MSN: variants seen among roughly 807,000 people sequenced by gnomAD.
MSN encodes the protein moesin.
MSN carries 2 observed loss-of-function variants against 48.0 expected under a neutral mutation model. That is an observed-to-expected ratio of 0.04 (90% CI 0.02 to 0.13). The LOEUF (loss-of-function observed/expected upper bound fraction) is 0.13. MSN is among the 10% of genes least tolerant of loss of function. The pLI is 1.00. For synonymous variants in MSN, 146 were observed against 166.9 expected (o/e 0.87, Z 0.97); for missense variants, 267 against 470.1 (o/e 0.57, Z 3.99).
chrX:65,655,797 G>A (rs1481520866), intron 1 of MSN, among the ~76,000 whole-genome samples: 1 of 112,204 alleles, frequency 8.9e-6, no homozygotes, highest in Non-Finnish European at 1.9e-5. Flanking sequence ...ACAGAGTCTT[G>A]TTCTTGTCGC....
intron 1 of MSN, among the ~76,000 whole-genome samples, chrX:65,710,897 T>A (rs1290094745): frequency 2.0e-5 from 2 of 99,948 alleles, no homozygotes; most frequent in Non-Finnish European, 4.0e-5. Context: ...TATTATTATT[T>A]TTTTGAGATG....
At chrX:65,720,711 T>C (rs2071508405) in intron 2 of MSN, among the ~76,000 whole-genome samples, 1 of 111,824 alleles carries the variant, frequency 8.9e-6, no homozygotes, top group African/African-American at 3.3e-5. Flanking sequence ...GCAAAAGCTT[T>C]ATGGCCATCC....
intron 1 of MSN, among the ~76,000 whole-genome samples, chrX:65,606,230 A>C (rs1429807679): frequency 9.2e-6 from 1 of 109,059 alleles, no homozygotes; most frequent in Non-Finnish European, 1.9e-5. Context: ...CCTGGGTTCA[A>C]GCAATTCTCT....
At chrX:65,649,072 C>G (rs993185782) in intron 1 of MSN, among the ~76,000 whole-genome samples, 18 of 108,321 alleles carry the variant, frequency 1.7e-4, no homozygotes, top group Non-Finnish European at 3.1e-4. Flanking sequence ...ACTCAACTTA[C>G]TACTTCTTTT....
intron 1 of MSN, among the ~76,000 whole-genome samples, chrX:65,642,150 A>AG (rs1345999568): frequency 2.9e-4 from 32 of 108,782 alleles, no homozygotes; most frequent in African/African-American, 7.3e-4. Flanking sequence ...AAAAAAAAAA[A>AG]AAAGAAAGAA....
intron 1 of MSN, among the ~76,000 whole-genome samples, chrX:65,686,998 C>G (rs2071120965): frequency 1.8e-5 from 2 of 111,780 alleles, no homozygotes; most frequent in African/African-American, 6.5e-5. Context: ...ATTTATAGAC[C>G]ATTTAGGACC....
At chrX:65,650,419 T>A (rs1474484099) in intron 1 of MSN, among the ~76,000 whole-genome samples, 3 of 112,196 alleles carry the variant, frequency 2.7e-5, no homozygotes, top group Non-Finnish European at 1.9e-5. Context: ...AAATAAAAGA[T>A]GTATGTGTTC....
At chrX:65,631,218 C>A (rs1050620563) in intron 1 of MSN, among the ~76,000 whole-genome samples, 1 of 109,721 alleles carries the variant, frequency 9.1e-6, no homozygotes, top group Admixed American at 9.8e-5. Context: ...GCCTCAGCTT[C>A]GAGTAGCTGG....
At chrX:65,688,495 A>T (rs1389391629) in intron 1 of MSN, among the ~76,000 whole-genome samples, 1 of 111,751 alleles carries the variant, frequency 8.9e-6, no homozygotes, top group Non-Finnish European at 1.9e-5. Context: ...GAGACAGAAG[A>T]CTTTGGTTTT....
intron 1 of MSN, among the ~76,000 whole-genome samples, chrX:65,690,074 A>G (rs180937610): frequency 9.0e-6 from 1 of 111,303 alleles, no homozygotes; most frequent in East Asian, 2.8e-4. Flanking sequence ...TGTGTAATTG[A>G]TCTTGACCAG....
At chrX:65,730,526 T>G (rs1324941490) in intron 4 of MSN, among the ~76,000 whole-genome samples, 1 of 110,549 alleles carries the variant, frequency 9.0e-6, no homozygotes, top group African/African-American at 3.3e-5. Flanking sequence ...GCTTGTACCC[T>G]GGGGACTCTA....
At chrX:65,656,550 CCTT>C (rs1344586524) in intron 1 of MSN, among the ~76,000 whole-genome samples, 1 of 111,366 alleles carries the variant, frequency 9.0e-6, no homozygotes, top group Non-Finnish European at 1.9e-5. Context: ...GTTCTGGACT[CCTT>C]CTGCATGGAA....
intron 2 of MSN, among the ~76,000 whole-genome samples, chrX:65,722,781 G>A (rs1287386737): frequency 9.1e-6 from 1 of 110,331 alleles, no homozygotes; most frequent in Admixed American, 9.7e-5. Flanking sequence ...TAAATGCATG[G>A]GGGATTCAAG....
intron 1 of MSN, among the ~76,000 whole-genome samples, chrX:65,629,719 T>C (rs1432860118): frequency 1.8e-5 from 2 of 111,514 alleles, no homozygotes; most frequent in African/African-American, 6.5e-5. Context: ...CTTGTGAGAC[T>C]TATTCACTAT....
intron 2 of MSN, among the ~76,000 whole-genome samples, chrX:65,721,304 C>A (rs745665609): frequency 4.4e-5 from 5 of 112,626 alleles, no homozygotes; most frequent in Admixed American, 1.9e-4. Flanking sequence ...TTGGATGGCT[C>A]ATTTAGCCTC....
upstream of MSN, among the ~76,000 whole-genome samples, chrX:65,666,517 C>T (rs1228249546): frequency 9.1e-6 from 1 of 110,383 alleles, no homozygotes; most frequent in Non-Finnish European, 1.9e-5. Context: ...CGGGGTTTCA[C>T]CATGTTGGCC....
Position 65,683,383 on chromosome X carries a change from T to TGCCGCCGCC in MSN, c.12+15534_12+15542dup, listed in dbSNP as rs199588485. ...TATCCACTCTTGCTATTGCTACTGTTGCCGCCGCCGCCACCACCACCACCA... is the reference window on the plus strand; with the variant it reads ...TATCCACTCTTGCTATTGCTACTGTTGCCGCCGCCGCCGCCGCCGCCACCACCACCACCA... On this transcript the variant is annotated intron_variant, in intron 1 of 12. Coordinates refer to ENST00000360270, the MANE Select transcript of MSN (RefSeq NM_002444.3). Among the ~76,000 whole-genome samples, 77 of 93,870 alleles carry TGCCGCCGCC rather than the reference T, an allele frequency of 8.2e-4. 1 individual carries two copies. The highest frequency in any genetic ancestry group is 3.9e-3 in the African/African-American group (74 of 18,788). 81.5% of individuals were successfully genotyped at this position (93,870 alleles called of 115,157 possible).
chrX:65,683,754 A>G (rs925172949), intron 1 of MSN, among the ~76,000 whole-genome samples: 25 of 110,875 alleles, frequency 2.3e-4, no homozygotes, highest in Non-Finnish European at 3.2e-4. Flanking sequence ...AAATAAATAC[A>G]GACTTTGTTT....
chrX:65,675,786 C>T (rs149152984), intron 1 of MSN, among the ~76,000 whole-genome samples: 1,805 of 110,797 alleles, frequency 0.016, 47 homozygotes, highest in African/African-American at 0.055. Context: ...TACAGGCATG[C>T]GCCACCACGC....
Sources: allele counts gnomAD v4.1 joint callset (sites outside exome capture counted in the v4.1 genomes callset), GRCh38; gene constraint gnomAD v4.1.1; transcripts MANE v1.5; gene names NCBI Gene and HGNC (gene_info 2026-07-23, HGNC 2026-07-21).